TSLP: variants seen among roughly 807,000 people sequenced by gnomAD.
TSLP encodes the protein thymic stroma-derived lymphopoietin.
Under a neutral mutation model 12.4 loss-of-function variants are expected in TSLP, and 12 were observed. That is an observed-to-expected ratio of 0.97 (90% CI 0.62 to 1.57). The LOEUF (loss-of-function observed/expected upper bound fraction) is 1.57. Among genes scored for constraint, TSLP ranks in the 40% most tolerant of loss-of-function variants. The probability of loss-of-function intolerance (pLI) is 0.00; values close to 1 mark genes in which losing one functional copy is unlikely to be tolerated. For synonymous variants in TSLP, 97 were observed against 69.5 expected, an observed-to-expected ratio of 1.40 and a Z score of -1.97; for missense variants, 222 against 189.6, an observed-to-expected ratio of 1.17 and a Z score of -1.00.
Position 111,076,145 on chromosome 5 carries a change from C to T in TSLP, c.*71C>T. 2 of 1,525,438 alleles carry T rather than the reference C, an allele frequency of 1.3e-6. No homozygotes were observed. Among genetic ancestry groups the T allele is most frequent in the Non-Finnish European group, 1.8e-6 (2 of 1,114,716 alleles). The allele number at this position is 1,525,438 out of a possible 1,614,324, so 94.5% of individuals were successfully genotyped here. On this transcript the variant is annotated 3_prime_UTR_variant, in exon 4 of 4. Coordinates refer to ENST00000344895, the MANE Select transcript of TSLP (RefSeq NM_033035.5). ...CTTTATTAAGTAGATGAAACATTAA[C>T]TCTAACTGTGACAAAGAAGACCACA...
Position 111,073,054 on chromosome 5 carries a change from G to A in TSLP, c.216+122G>A, listed in dbSNP as rs779935661. 40 of 1,191,904 alleles carry A rather than the reference G, an allele frequency of 3.4e-5. No homozygotes were observed. In the East Asian group the frequency reaches 9.5e-4, roughly 28 times the overall value. 73.8% of individuals were successfully genotyped at this position (1,191,904 alleles called of 1,614,324 possible). A position where few individuals can be genotyped will look rare whatever the true frequency, so the allele number is the denominator to read the frequency against. Reference sequence around the variant, plus strand: ...CTGGGCTCCGGGACGCCGCCGCCGGGGGAAAGGGGACATCTGGGCTGTCAG... The same window carrying A: ...CTGGGCTCCGGGACGCCGCCGCCGGAGGAAAGGGGACATCTGGGCTGTCAG... On this transcript the variant is annotated intron_variant, in intron 2 of 3. Transcript: ENST00000344895.
upstream of TSLP, chr5:111,070,607 C>G (rs1275656006): frequency 6.6e-6 from 1 of 152,368 alleles, no homozygotes; most frequent in Non-Finnish European, 1.5e-5. Context: ...GGGAAGACTG[C>G]TAGACAGACA....
rs1752538827 is a variant in TSLP, at chr5:111,077,338, T to C, written c.*1264T>C. 2 of 152,336 alleles carry C rather than the reference T, an allele frequency of 1.3e-5. No individual in the cohort carries two copies. Among genetic ancestry groups the C allele is most frequent in the African/African-American group, 2.4e-5 (1 of 41,568 alleles). 9.4% of individuals were successfully genotyped at this position (152,336 alleles called of 1,614,324 possible). ...GCCAACAGGTAAGAGGAAGCTTACA[T>C]TACATGTCCAGTCCACATTTAAAGA... On this transcript the variant is annotated 3_prime_UTR_variant, in exon 4 of 4. Transcript: ENST00000344895.
intron 1 of TSLP, 37 bp from the exon 2 acceptor site, chr5:111,072,851 G>T (rs764434324): frequency 1.2e-5 from 19 of 1,610,772 alleles, no homozygotes; most frequent in Non-Finnish European, 1.6e-5. Context: ...GGACTTAAAA[G>T]TCTTTACCCT....
intron 2 of TSLP, 62 bp downstream of exon 2, chr5:111,072,994 G>C (rs1043266602): frequency 1.8e-5 from 28 of 1,587,854 alleles, no homozygotes; most frequent in South Asian, 2.2e-5. Context: ...TTTGGAGAGG[G>C]AGTATCCTGC....
At chr5:111,074,958 C>A (rs900416447) in intron 3 of TSLP, among the ~76,000 whole-genome samples, 1 of 152,112 alleles carries the variant, frequency 6.6e-6, no homozygotes, top group Admixed American at 6.6e-5. Flanking sequence ...GAAGCCATAG[C>A]GCTGATCTGG....
intron 3 of TSLP, 126 bp from the exon 4 acceptor site, chr5:111,075,820 A>T: frequency 2.1e-6 from 2 of 956,028 alleles, no homozygotes; most frequent in East Asian, 2.5e-5. Flanking sequence ...GCTAGCACAT[A>T]GTAAGCAGGT....
At chr5:111,073,865 G>A (rs1343120943) in intron 3 of TSLP, among the ~76,000 whole-genome samples, 1 of 152,140 alleles carries the variant, frequency 6.6e-6, no homozygotes, top group Non-Finnish European at 1.5e-5. Context: ...GCTGAATTAT[G>A]GTTCTAAACC....
At position 111,072,047 on chromosome 5, in the gene TSLP, A is replaced by G. The variant is rs778884101; in HGVS notation, c.157A>G (p.Thr53Ala). The G allele has an allele frequency of 1.8e-5, 29 of 1,612,418 alleles. No individual in the cohort carries two copies. The Admixed American group carries it at 2.5e-4, about 14-fold the overall frequency. ...CAGTACTATTTCTAAAGACCTGATT[A>G]CATATATGAGTGGGGTAAGTGAAGA... The part of the protein sequence containing the change: ...YLSTISKDLI[T>A]YMSGTKSTEF... The change falls in exon 1 of 4, where the codon ACA (threonine) becomes GCA (alanine). Residue 53 changes from threonine to alanine, a missense_variant. Physicochemically the swap from Thr to Ala is moderately conservative, Grantham distance 58. Coordinates refer to ENST00000344895, the MANE Select transcript of TSLP (RefSeq NM_033035.5).
Position 111,072,111 on chromosome 5 carries a change from G to A in TSLP, c.171+50G>A, listed in dbSNP as rs186908202. 6.6e-4 allele frequency: 971 copies of A among 1,472,730 alleles called. 1 individual carries two copies. Among genetic ancestry groups the A allele is most frequent in the Admixed American group, 2.1e-3 (120 of 56,900 alleles). 91.2% of individuals were successfully genotyped at this position (1,472,730 alleles called of 1,614,324 possible). A position where few individuals can be genotyped will look rare whatever the true frequency, so the allele number is the denominator to read the frequency against. ...CAAATGTATTTTCATCAGAGGAGTC[G>A]GCATACACACACTCTACAATTTAAC... is the stretch of plus-strand genomic sequence containing the variant. On this transcript the variant is annotated intron_variant, in intron 1 of 3. Coordinates refer to ENST00000344895, the MANE Select transcript of TSLP (RefSeq NM_033035.5).
At chr5:111,071,547 T>G (rs1237168159), upstream of TSLP, 1 of 1,536,056 alleles carries the variant, frequency 6.5e-7, no homozygotes, top group Non-Finnish European at 8.7e-7. Flanking sequence ...ACTTTACTGA[T>G]GTTAAAATTC....
At chr5:111,074,559 T>C (rs1752440491) in intron 3 of TSLP, among the ~76,000 whole-genome samples, 1 of 152,120 alleles carries the variant, frequency 6.6e-6, no homozygotes, top group African/African-American at 2.4e-5. Flanking sequence ...GCAGATATGT[T>C]TGATTGCTCC....
intron 1 of TSLP, among the ~76,000 whole-genome samples, chr5:111,072,574 G>T (rs1338863980): frequency 2.0e-5 from 3 of 152,120 alleles, no homozygotes; most frequent in African/African-American, 4.8e-5. Flanking sequence ...ATTCATGAAT[G>T]GCCACAGTAC....
At position 111,071,888 on chromosome 5, in the gene TSLP, C is replaced by T. The variant is rs570028217; in HGVS notation, c.-3C>T. The T allele has an allele frequency of 1.4e-5, 22 of 1,613,480 alleles. No homozygotes were observed. Among genetic ancestry groups the T allele is most frequent in the East Asian group, 2.2e-5 (1 of 44,870 alleles). On this transcript the variant is annotated 5_prime_UTR_variant, in exon 1 of 4. The change creates a new upstream start codon in the 5' untranslated region. Transcript: ENST00000344895. ...AAACTGGGGTGGAATTGGGTGTCCA[C>T]GTATGTTCCCTTTTGCCTTACTATA...
chr5:111,075,274 T>C (rs1416684914), intron 3 of TSLP, among the ~76,000 whole-genome samples: 2 of 152,162 alleles, frequency 1.3e-5, no homozygotes, highest in South Asian at 2.1e-4. Flanking sequence ...TTGCATACCA[T>C]GTGTCTAGGA....
At chr5:111,072,168 T>A in intron 1 of TSLP, 107 bp downstream of exon 1, 1 of 925,524 alleles carries the variant, frequency 1.1e-6, no homozygotes, top group Non-Finnish European at 1.6e-6. Flanking sequence ...TTAGAAAAAA[T>A]CATGGCCCCA....
In TSLP at chr5:111,077,121, C is replaced by T. The variant is rs755686761; in HGVS notation, c.*1047C>T. 2 of 152,184 alleles carry T rather than the reference C, an allele frequency of 1.3e-5. No individual in the cohort carries two copies. Among genetic ancestry groups the T allele is most frequent in the African/African-American group, 2.4e-5 (1 of 41,432 alleles). 9.4% of individuals were successfully genotyped at this position (152,184 alleles called of 1,614,324 possible). The stretch of plus-strand genomic sequence containing the variant: ...TTGAATTCCCGCTGCAAGCTAGAGC[C>T]GCAGGCACCCTCTCACTCAATTTCC... On this transcript the variant is annotated 3_prime_UTR_variant, in exon 4 of 4. Transcript: ENST00000344895.
upstream of TSLP, chr5:111,070,716 C>T (rs1752320498): frequency 6.6e-6 from 1 of 152,320 alleles, no homozygotes. Context: ...CCCGCCATCT[C>T]GATGCTTCTC....
chr5:111,074,577 C>T (rs1752441714), intron 3 of TSLP, among the ~76,000 whole-genome samples: 1 of 151,274 alleles, frequency 6.6e-6, no homozygotes, highest in Non-Finnish European at 1.5e-5. Context: ...TCCTTATTAG[C>T]CTAGTGGACT....
Sources: allele counts gnomAD v4.1 joint callset (sites outside exome capture counted in the v4.1 genomes callset), GRCh38; gene constraint gnomAD v4.1.1; transcripts MANE v1.5; gene names NCBI Gene and HGNC (gene_info 2026-07-23, HGNC 2026-07-21).